The following POR variants were observed in gnomAD, a reference collection of about 807,000 sequenced individuals.
POR encodes the protein NADPH--cytochrome P450 reductase.
In POR, 56 loss-of-function variants were observed where a neutral mutation model predicts 84.0. The observed-to-expected ratio is 0.67, with a 90% CI of 0.54 to 0.83. POR has a LOEUF of 0.83. POR is among the 40% of genes least tolerant of loss of function. POR has a pLI of 0.00. For synonymous variants in POR, 414 were observed against 400.5 expected (o/e 1.03, Z -0.40); for missense variants, 938 against 944.3 (o/e 0.99, Z 0.09).
chr7:75,985,121 C>T lies in POR; in HGVS notation c.1312C>T (p.Pro438Ser). 2 of 1,600,174 alleles carry T rather than the reference C, an allele frequency of 1.2e-6. No homozygotes were observed. The highest frequency in any genetic ancestry group is 1.7e-6 in the Non-Finnish European group (2 of 1,179,578). Residue 438 changes from proline (P) to serine (S), a missense_variant, in exon 12 of 16, where the codon CCG becomes TCG. By Grantham distance (74) the Pro-to-Ser change is moderately conservative. Coordinates refer to ENST00000461988, the MANE Select transcript of POR (RefSeq NM_000941.3). ...CATCCTGGCCATCCTGCAGGACTGCCCGTCCCTGCGGCCCCCCATCGACCA... is the reference window on the plus strand; with the variant it reads ...CATCCTGGCCATCCTGCAGGACTGCTCGTCCCTGCGGCCCCCCATCGACCA...
In POR at chr7:75,984,782, T is replaced by C; in HGVS notation, c.1072T>C (p.Ser358Pro). 6.2e-7 allele frequency: 1 copy of C among 1,611,760 alleles called. No individual in the cohort carries two copies. The highest frequency in any genetic ancestry group is 8.5e-7 in the Non-Finnish European group (1 of 1,179,544). ...TGCCTGTCTCTTCCCTGCAGAGGAG[T>C]CCAACAAGAAGCACCCATTCCCGTG... is the stretch of plus-strand genomic sequence containing the variant. The change falls in exon 11 of 16, where the codon TCC (serine) becomes CCC (proline). Residue 358 changes from serine (S) to proline (P), a missense_variant. Physicochemically the swap from Ser to Pro is moderately conservative, Grantham distance 74 (BLOSUM62 -1). Coordinates refer to ENST00000461988, the MANE Select transcript of POR (RefSeq NM_000941.3).
chr7:75,951,116 C>T (rs1319069323), intron 1 of POR, among the ~76,000 whole-genome samples: 3 of 129,706 alleles, frequency 2.3e-5, no homozygotes, highest in Non-Finnish European at 3.1e-5. Flanking sequence ...AAGTTGAGGC[C>T]AGGCACAGTG....
chr7:75,983,516 C>G lies in POR; in HGVS notation c.831-4C>G. On this transcript the variant is annotated splice_region_variant and splice_polypyrimidine_tract_variant and intron_variant, in intron 8 of 15. Coordinates refer to ENST00000461988, the MANE Select transcript of POR (RefSeq NM_000941.3). ...CTCACTGTGCTTCTCTCCTCCCCAC[C>G]CAGCCCCTTTGATGCCAAGAATCCG... The G allele has an allele frequency of 3.7e-6, 6 of 1,610,288 alleles. No homozygotes were observed. Among genetic ancestry groups the G allele is most frequent in the Non-Finnish European group, 5.1e-6 (6 of 1,177,518 alleles).
intron 1 of POR, among the ~76,000 whole-genome samples, chr7:75,953,184 C>T (rs1014834834): frequency 5.3e-5 from 8 of 152,042 alleles, no homozygotes; most frequent in Admixed American, 1.3e-4. Flanking sequence ...TCAGGCGTGG[C>T]GGCGCGCGCC....
At chr7:75,920,725 A>G (rs1291019174) in intron 1 of POR, among the ~76,000 whole-genome samples, 1 of 152,014 alleles carries the variant, frequency 6.6e-6, no homozygotes, top group Non-Finnish European at 1.5e-5. Context: ...GCCTGTACAA[A>G]GGTTTGCAGG....
At chr7:75,922,724 G>C in intron 1 of POR, 1 of 368,172 alleles carries the variant, frequency 2.7e-6, no homozygotes, top group East Asian at 6.1e-5. Context: ...TGGTGGGGTT[G>C]CGCATGTTCA....
Position 75,927,968 on chromosome 7 carries a change from CTTTTT to C in POR, c.-5+12806_-5+12810del, listed in dbSNP as rs1243977285. ...TGCTCCCAGTCTCTATCTCAGGTTT[CTTTTT>C]TTTTTTTTTTTTTTTTGAGACGGAG... is the stretch of plus-strand genomic sequence containing the variant. On this transcript the variant is annotated intron_variant, in intron 1 of 15. Transcript: ENST00000461988. Among the ~76,000 whole-genome samples, 724 of 106,990 alleles carry C rather than the reference CTTTTT, an allele frequency of 6.8e-3. 5 individuals carry two copies. The highest frequency in any genetic ancestry group is 0.022 in the African/African-American group (600 of 27,334). 70.2% of individuals were successfully genotyped at this position (106,990 alleles called of 152,430 possible).
intron 2 of POR, among the ~76,000 whole-genome samples, chr7:75,963,158 C>T (rs1240616205): frequency 1.3e-5 from 2 of 152,252 alleles, no homozygotes; most frequent in South Asian, 2.1e-4. Context: ...GGGGGTCTTG[C>T]CACATCCAGT....
chr7:75,935,308 G>T (rs1000030243), intron 1 of POR, among the ~76,000 whole-genome samples: 1 of 152,010 alleles, frequency 6.6e-6, no homozygotes, highest in Non-Finnish European at 1.5e-5. Context: ...GTGCATTGGC[G>T]CTATCTCAGT....
chr7:75,986,472 G>C lies in POR; in HGVS notation c.2034G>C (p.Val678=). 1.2e-6 allele frequency: 2 copies of C among 1,609,714 alleles called. No individual in the cohort carries two copies. Among genetic ancestry groups the C allele is most frequent in the Non-Finnish European group, 1.7e-6 (2 of 1,179,652 alleles). The change falls in exon 16 of 16, where the codon GTG becomes GTC. Residue 678 remains valine, a synonymous_variant. Transcript: ENST00000461988. ...CCAAGGGCCGCTACTCCCTGGACGT[G>C]TGGAGCTAGGGGCCTGCCTGCCCCA...
intron 1 of POR, among the ~76,000 whole-genome samples, chr7:75,917,058 T>C (rs970567903): frequency 6.6e-6 from 1 of 152,044 alleles, no homozygotes; most frequent in Non-Finnish European, 1.5e-5. Flanking sequence ...AAAAATAATT[T>C]AGCTTTTAAG....
chr7:75,917,962 G>A (rs1806655507), intron 1 of POR, among the ~76,000 whole-genome samples: 1 of 152,120 alleles, frequency 6.6e-6, no homozygotes. Flanking sequence ...CCAGGAGTTT[G>A]AGACCAGCCT....
chr7:75,982,781 T>C (rs1229428687), intron 8 of POR, among the ~76,000 whole-genome samples: 8 of 152,202 alleles, frequency 5.3e-5, no homozygotes, highest in African/African-American at 1.9e-4. Flanking sequence ...CTGCCCTGCT[T>C]TCTGTAGGCC....
intron 2 of POR, among the ~76,000 whole-genome samples, chr7:75,960,644 T>C (rs1288996443): frequency 6.6e-6 from 1 of 152,140 alleles, no homozygotes; most frequent in Admixed American, 6.5e-5. Context: ...CTCTCTCTCC[T>C]GTGGGCCTGG....
intron 1 of POR, among the ~76,000 whole-genome samples, chr7:75,928,157 G>A (rs1807237726): frequency 1.3e-5 from 2 of 151,908 alleles, no homozygotes; most frequent in African/African-American, 4.8e-5. Flanking sequence ...TTTTAGTAGA[G>A]ATAGGGTTTC....
intron 7 of POR, 59 bp from the exon 8 acceptor site, chr7:75,982,161 CCCCT>C: frequency 7.7e-7 from 1 of 1,306,714 alleles, no homozygotes; most frequent in Admixed American, 2.0e-5. Flanking sequence ...TGTAGTCCAA[CCCCT>C]CCCTCTCGGG....
intron 3 of POR, among the ~76,000 whole-genome samples, 185 bp from the exon 4 acceptor site, chr7:75,979,266 C>T (rs1788869207): frequency 6.6e-6 from 1 of 152,196 alleles, no homozygotes; most frequent in South Asian, 2.1e-4. Flanking sequence ...GACCTTTGCC[C>T]TCCTTTGCCA....
intron 2 of POR, among the ~76,000 whole-genome samples, chr7:75,955,033 A>G (rs1401937111): frequency 2.6e-5 from 4 of 152,208 alleles, no homozygotes; most frequent in South Asian, 4.1e-4. Context: ...TTATAGAGAC[A>G]GGGATTTGCC....
intron 6 of POR, 133 bp downstream of exon 6, chr7:75,981,305 T>C: frequency 7.4e-7 from 1 of 1,356,912 alleles, no homozygotes; most frequent in Non-Finnish European, 9.8e-7. Context: ...GAAGGGGCTC[T>C]CCTGCCTCTG....
Sources: allele counts gnomAD v4.1 joint callset (sites outside exome capture counted in the v4.1 genomes callset), GRCh38; gene constraint gnomAD v4.1.1; transcripts MANE v1.5; gene names NCBI Gene and HGNC (gene_info 2026-07-23, HGNC 2026-07-21).